ERICH1: variants seen among roughly 807,000 people sequenced by gnomAD.
ERICH1 encodes the protein glutamate rich 1.
Under a neutral mutation model 39.6 loss-of-function variants are expected in ERICH1, and 56 were observed. The observed-to-expected ratio is 1.41, with a 90% CI of 1.14 to 1.77. The LOEUF is 1.77. Among genes scored for constraint, ERICH1 ranks in the 40% most tolerant of loss-of-function variants. The probability of loss-of-function intolerance (pLI) is 0.00; values close to 1 mark genes in which losing one functional copy is unlikely to be tolerated. For synonymous variants in ERICH1, 313 were observed against 223.6 expected, an observed-to-expected ratio of 1.40 and a Z score of -3.57; for missense variants, 826 against 575.4, an observed-to-expected ratio of 1.44 and a Z score of -4.45.
chr8:693,644 C>T (rs1240126575), intron 2 of ERICH1, among the ~76,000 whole-genome samples: 1 of 150,222 alleles, frequency 6.7e-6, no homozygotes, highest in Non-Finnish European at 1.5e-5. Context: ...CAGAGGTCAC[C>T]ACCACCGTGG....
chr8:625,349 C>G (rs576875404), intron 3 of ERICH1, among the ~76,000 whole-genome samples: 5 of 152,166 alleles, frequency 3.3e-5, no homozygotes, highest in African/African-American at 1.2e-4. Context: ...AACCACGACG[C>G]TGAGTTAAAG....
At chr8:705,295 C>A (rs1222658463) in intron 2 of ERICH1, among the ~76,000 whole-genome samples, 1 of 152,264 alleles carries the variant, frequency 6.6e-6, no homozygotes, top group Non-Finnish European at 1.5e-5. Context: ...CAGGACTCCT[C>A]CTGGACGTGC....
chr8:699,759 TCA>T (rs1388657085), intron 2 of ERICH1, among the ~76,000 whole-genome samples: 4 of 66,192 alleles, frequency 6.0e-5, no homozygotes, highest in African/African-American at 1.2e-4. Context: ...ACGTGCACAC[TCA>T]CACAGCCGCA....
At chr8:697,667 A>G (rs940327348) in intron 2 of ERICH1, among the ~76,000 whole-genome samples, 9 of 151,880 alleles carry the variant, frequency 5.9e-5, no homozygotes, top group African/African-American at 2.2e-4. Context: ...CACCCCGCAC[A>G]GTCCTTGTGG....
intron 2 of ERICH1, among the ~76,000 whole-genome samples, chr8:700,138 C>T (rs1301133539): frequency 7.2e-6 from 1 of 139,212 alleles, no homozygotes; most frequent in Non-Finnish European, 1.6e-5. Flanking sequence ...CGCACAGACC[C>T]GCACAGGCGC....
intron 3 of ERICH1, among the ~76,000 whole-genome samples, chr8:636,569 C>T (rs2117167998): frequency 6.6e-6 from 1 of 152,358 alleles, no homozygotes; most frequent in East Asian, 1.9e-4. Flanking sequence ...TGAGCACAAG[C>T]CCTCCACTTA....
At chr8:708,248 C>G (rs193186334) in intron 2 of ERICH1, among the ~76,000 whole-genome samples, 29 of 152,300 alleles carry the variant, frequency 1.9e-4, no homozygotes, top group African/African-American at 6.5e-4. Flanking sequence ...AAAAGTTAAA[C>G]ATGGAGTTAC....
intron 3 of ERICH1, among the ~76,000 whole-genome samples, chr8:617,984 T>A (rs537358605): frequency 6.9e-6 from 1 of 145,918 alleles, no homozygotes; most frequent in South Asian, 2.2e-4. Flanking sequence ...CAGTCTATCC[T>A]CACTGCCCTC....
At chr8:706,213 T>A (rs753885040) in intron 2 of ERICH1, among the ~76,000 whole-genome samples, 7 of 152,224 alleles carry the variant, frequency 4.6e-5, no homozygotes, top group Non-Finnish European at 8.8e-5. Flanking sequence ...TTAAGTGATG[T>A]GTGACTGTAC....
intron 3 of ERICH1, among the ~76,000 whole-genome samples, chr8:631,811 A>C (rs1798055983): frequency 6.6e-6 from 1 of 151,914 alleles, no homozygotes; most frequent in African/African-American, 2.4e-5. Context: ...TTCTAGGATG[A>C]CCTGGTGGGG....
At chr8:690,897 C>T (rs1055999373) in intron 3 of ERICH1, 2 of 152,362 alleles carry the variant, frequency 1.3e-5, no homozygotes, top group Non-Finnish European at 2.9e-5. Context: ...CCAGTTCTCA[C>T]CTCTGTGCTT....
intron 1 of ERICH1, among the ~76,000 whole-genome samples, chr8:718,807 AT>A (rs1465241239): frequency 6.6e-6 from 1 of 152,168 alleles, no homozygotes; most frequent in Non-Finnish European, 1.5e-5. Flanking sequence ...AGCCTCTAGG[AT>A]TTCTGCAATT....
chr8:707,655 C>G (rs572877676), intron 2 of ERICH1, among the ~76,000 whole-genome samples: 56 of 152,148 alleles, frequency 3.7e-4, no homozygotes, highest in Non-Finnish European at 6.9e-4. Flanking sequence ...GAAAACGGAT[C>G]AAGGACCTAC....
At chr8:684,951 A>G (rs1267652640) in intron 3 of ERICH1, among the ~76,000 whole-genome samples, 2 of 152,210 alleles carry the variant, frequency 1.3e-5, no homozygotes, top group East Asian at 1.9e-4. Context: ...CGAAACTAGA[A>G]TTGCTGATGA....
chr8:711,094 C>T (rs772031932), intron 2 of ERICH1, among the ~76,000 whole-genome samples: 2 of 152,164 alleles, frequency 1.3e-5, no homozygotes, highest in Non-Finnish European at 2.9e-5. Flanking sequence ...ATTTGCATTT[C>T]CCTGATAACA....
At chr8:725,025 A>G (rs1295238891) in intron 1 of ERICH1, among the ~76,000 whole-genome samples, 1 of 152,192 alleles carries the variant, frequency 6.6e-6, no homozygotes, top group East Asian at 1.9e-4. Flanking sequence ...ACCCTGACGC[A>G]GTGATGCCTG....
intron 3 of ERICH1, among the ~76,000 whole-genome samples, chr8:679,803 G>C (rs531543046): frequency 1.3e-5 from 2 of 152,224 alleles, no homozygotes; most frequent in Non-Finnish European, 2.9e-5. Flanking sequence ...GAGACAACGT[G>C]TGCAAGAGCT....
At chr8:730,877 C>T (rs1819825418) in intron 1 of ERICH1, among the ~76,000 whole-genome samples, 1 of 152,204 alleles carries the variant, frequency 6.6e-6, no homozygotes, top group Non-Finnish European at 1.5e-5. Context: ...GGCTCGCCTC[C>T]GCCCAGGACC....
At chr8:703,091 C>T (rs1328544324) in intron 2 of ERICH1, among the ~76,000 whole-genome samples, 4 of 152,196 alleles carry the variant, frequency 2.6e-5, no homozygotes, top group Admixed American at 6.5e-5. Context: ...GTCCACCTTC[C>T]GAATTTCAGG....
Sources: allele counts gnomAD v4.1 joint callset (sites outside exome capture counted in the v4.1 genomes callset), GRCh38; gene constraint gnomAD v4.1.1; transcripts MANE v1.5; gene names NCBI Gene and HGNC (gene_info 2026-07-23, HGNC 2026-07-21).